RAD52: variants seen among roughly 807,000 people sequenced by gnomAD.
The protein encoded by RAD52 is RAD52 DNA repair protein.
RAD52 carries 47 observed loss-of-function variants against 55.5 expected under a neutral mutation model. The observed-to-expected ratio is 0.85, with a 90% confidence interval of 0.67 to 1.08. The LOEUF is 1.08. Among genes scored for constraint, RAD52 ranks in the 50% least tolerant of loss-of-function variants. The probability of loss-of-function intolerance (pLI) is 0.00; values close to 1 mark genes in which losing one functional copy is unlikely to be tolerated. For synonymous variants in RAD52, 184 were observed against 198.9 expected, an observed-to-expected ratio of 0.92 and a Z score of 0.63; for missense variants, 468 against 522.8, an observed-to-expected ratio of 0.90 and a Z score of 1.02.
chr12:913,176 G>A lies in RAD52; in HGVS notation c.*215C>T. 1.8e-6 allele frequency: 1 copy of A among 546,266 alleles called. No individual in the cohort carries two copies. The highest frequency in any genetic ancestry group is 2.5e-5 in the South Asian group (1 of 39,524). 33.8% of individuals were successfully genotyped at this position (546,266 alleles called of 1,614,324 possible). ...AAGAAAAGGTATTCATCTGTCCAGA[G>A]CCTCTCCCTACTAGAGTGATGGACA... is the stretch of plus-strand genomic sequence containing the variant. On this transcript the variant is annotated 3_prime_UTR_variant, in exon 12 of 12. Transcript: ENST00000358495.
chr12:940,593 C>G (rs1025354563), intron 1 of RAD52, among the ~76,000 whole-genome samples: 2 of 151,714 alleles, frequency 1.3e-5, no homozygotes, highest in South Asian at 4.2e-4. Context: ...AGCCTGGAGA[C>G]AGAGCAAGAC....
At chr12:957,185 C>T (rs748499529) in intron 1 of RAD52, among the ~76,000 whole-genome samples, 39 of 152,120 alleles carry the variant, frequency 2.6e-4, no homozygotes, top group Non-Finnish European at 4.7e-4. Context: ...AGGCTGGGTG[C>T]AGTGGCTCAT....
At position 931,225 on chromosome 12, in the gene RAD52, G is replaced by A. The variant is rs200100766; in HGVS notation, c.181C>T (p.Gln61Ter). Reference sequence around the variant, plus strand: ...AGGCACATGAATTCTCCTACCTTCTGGCCTCCGCCAGCCATGCGGCTACTT... The same window carrying A: ...AGGCACATGAATTCTCCTACCTTCTAGCCTCCGCCAGCCATGCGGCTACTT... ...YISSRMAGGG[Q>*]KVCYIEGHRV... is the part of the protein sequence containing the mutation. Residue 61 changes from glutamine (Q) to a stop codon, truncating the protein, a stop_gained, in exon 3 of 12, where the codon CAG becomes TAG. Coordinates refer to ENST00000358495, the MANE Select transcript of RAD52 (RefSeq NM_134424.4). LOFTEE classifies it high-confidence loss of function. The A allele has an allele frequency of 2.5e-6, 4 of 1,611,424 alleles. No homozygotes were observed. The highest frequency in any genetic ancestry group is 3.4e-6 in the Non-Finnish European group (4 of 1,179,218).
intron 1 of RAD52, among the ~76,000 whole-genome samples, chr12:957,717 G>A (rs1039124828): frequency 6.6e-6 from 1 of 152,180 alleles, no homozygotes; most frequent in Non-Finnish European, 1.5e-5. Flanking sequence ...TTGAGCCCAG[G>A]AGGCGGAGGT....
intron 1 of RAD52, among the ~76,000 whole-genome samples, chr12:970,943 G>C (rs535432507): frequency 6.6e-6 from 1 of 150,428 alleles, no homozygotes; most frequent in Non-Finnish European, 1.5e-5. Context: ...GAAATAAATC[G>C]ATACTTGATT....
chr12:953,266 T>A (rs1312945468), upstream of RAD52, among the ~76,000 whole-genome samples: 4 of 151,612 alleles, frequency 2.6e-5, no homozygotes, highest in East Asian at 5.9e-4. Context: ...ATTGTGCCAT[T>A]GCACTCCAGC....
chr12:972,635 G>A (rs575732335), intron 1 of RAD52, among the ~76,000 whole-genome samples: 282 of 152,026 alleles, frequency 1.9e-3, no homozygotes, highest in African/African-American at 6.4e-3. Flanking sequence ...GCGTGGTGGC[G>A]GACGCCTGTA....
At chr12:953,016 A>AGGGGGTGGGGGGAGGG (rs1958556600), upstream of RAD52, among the ~76,000 whole-genome samples, 1 of 2,662 alleles carries the variant, frequency 3.8e-4, no homozygotes, top group East Asian at 0.012. Context: ...AGGGGGAGGG[A>AGGGGGTGGGGGGAGGG]GGGAAGGGAG....
intron 1 of RAD52, chr12:974,524 T>C (rs564799059): frequency 1.3e-5 from 2 of 152,336 alleles, no homozygotes; most frequent in African/African-American, 4.8e-5. Context: ...CTCAGACCCC[T>C]GGAGCTGTAG....
intron 9 of RAD52, among the ~76,000 whole-genome samples, chr12:915,312 TAAGGATATCC>T (rs1956299088): frequency 1.3e-5 from 2 of 152,350 alleles, no homozygotes; most frequent in South Asian, 4.1e-4. Context: ...AACTCAACAG[TAAGGATATCC>T]ACAGGACAGG....
intron 1 of RAD52, among the ~76,000 whole-genome samples, chr12:969,705 A>C (rs1306824163): frequency 6.6e-6 from 1 of 151,422 alleles, no homozygotes; most frequent in Non-Finnish European, 1.5e-5. Context: ...GTGGGAGGAT[A>C]TCTTGAGCCC....
chr12:925,638 T>C (rs893240290), intron 6 of RAD52, 113 bp from the exon 7 acceptor site: 14 of 788,206 alleles, frequency 1.8e-5, no homozygotes, highest in Non-Finnish European at 2.8e-5. Context: ...GCAGAGGAAG[T>C]GGACCCTAAC....
chr12:965,134 C>T (rs1051044167), intron 1 of RAD52, among the ~76,000 whole-genome samples: 4 of 151,894 alleles, frequency 2.6e-5, no homozygotes, highest in Admixed American at 2.0e-4. Context: ...TGCGCACCAC[C>T]ACGCCCGGCT....
chr12:916,167 A>G, intron 9 of RAD52, 177 bp downstream of exon 9: 1 of 1,363,366 alleles, frequency 7.3e-7, no homozygotes, highest in African/African-American at 1.5e-5. Flanking sequence ...GAAAATGTAC[A>G]GCAGATTTAA....
rs539045738 is a variant in RAD52, at chr12:947,581, GACAA to G, written c.-19+2017_-19+2020del. ...AACTCTGTCCCCCCAAAAAACAACA[GACAA>G]ACAAAAAAACAAAACTCCCACCCAG... On this transcript the variant is annotated intron_variant, in intron 1 of 11. Transcript: ENST00000358495. Among the ~76,000 whole-genome samples, 262 of 146,978 alleles carry G rather than the reference GACAA, an allele frequency of 1.8e-3. 1 individual carries two copies. The Middle Eastern group carries it at 0.025, about 14-fold the overall frequency.
At chr12:979,868 A>G (rs1565714482) in intron 1 of RAD52, among the ~76,000 whole-genome samples, 1 of 152,128 alleles carries the variant, frequency 6.6e-6, no homozygotes, top group Non-Finnish European at 1.5e-5. Flanking sequence ...TAACACGGTG[A>G]AACCCCATCT....
intron 1 of RAD52, among the ~76,000 whole-genome samples, chr12:979,675 G>C (rs1290716999): frequency 6.6e-6 from 1 of 152,126 alleles, no homozygotes; most frequent in African/African-American, 2.4e-5. Flanking sequence ...CCAGCACCTT[G>C]ATCTTGGACT....
intron 1 of RAD52, 144 bp downstream of exon 1, chr12:949,458 C>T (rs913843515): frequency 1.3e-5 from 2 of 152,438 alleles, no homozygotes; most frequent in African/African-American, 4.8e-5. Flanking sequence ...TAGAACAGGC[C>T]TCTGGACTCA....
intron 9 of RAD52, 93 bp downstream of exon 9, chr12:916,251 C>A: frequency 6.5e-7 from 1 of 1,540,102 alleles, no homozygotes; most frequent in Non-Finnish European, 8.6e-7. Context: ...GGTTTGGAGC[C>A]GGCCCAGGGT....
Sources: allele counts gnomAD v4.1 joint callset (sites outside exome capture counted in the v4.1 genomes callset), GRCh38; gene constraint gnomAD v4.1.1; transcripts MANE v1.5; gene names NCBI Gene and HGNC (gene_info 2026-07-23, HGNC 2026-07-21).